The following GRM1 variants were observed in gnomAD, a reference collection of about 807,000 sequenced individuals.
GRM1 encodes glutamate metabotropic receptor 1, also known as metabotropic glutamate receptor 1.
GRM1 carries 33 observed loss-of-function variants against 90.9 expected under a neutral mutation model. The observed-to-expected ratio is 0.36, with a 90% CI of 0.28 to 0.49. The LOEUF (loss-of-function observed/expected upper bound fraction) is 0.49, where lower values mean the gene tolerates loss of function less well. Among genes scored for constraint, GRM1 ranks in the 20% least tolerant of loss-of-function variants. GRM1 has a pLI of 0.99. For synonymous variants in GRM1, 700 were observed against 613.2 expected (o/e 1.14, Z -2.09); for missense variants, 1,190 against 1,534.3 (o/e 0.78, Z 3.75).
chr6:146,104,539 A>G (rs374543668), intron 1 of GRM1, among the ~76,000 whole-genome samples: 3 of 152,178 alleles, frequency 2.0e-5, no homozygotes, highest in Non-Finnish European at 4.4e-5. Context: ...AATGTTTCAT[A>G]TGGGGGGGCA....
intron 1 of GRM1, among the ~76,000 whole-genome samples, chr6:146,086,636 C>T (rs569894438): frequency 1.7e-4 from 26 of 151,956 alleles, no homozygotes; most frequent in African/African-American, 6.0e-4. Flanking sequence ...GTCTCTCTCT[C>T]GGGGGAGAAG....
At chr6:146,174,919 T>G (rs1351047307) in intron 2 of GRM1, among the ~76,000 whole-genome samples, 1 of 152,222 alleles carries the variant, frequency 6.6e-6, no homozygotes, top group Non-Finnish European at 1.5e-5. Context: ...GCTAACAGTT[T>G]CTTGCCATGT....
chr6:146,373,057 C>A (rs1224807171), intron 5 of GRM1, among the ~76,000 whole-genome samples: 1 of 152,070 alleles, frequency 6.6e-6, no homozygotes, highest in Non-Finnish European at 1.5e-5. Flanking sequence ...CTTTAGCTAG[C>A]ATGGGCATTT....
intron 2 of GRM1, among the ~76,000 whole-genome samples, chr6:146,298,885 C>A (rs55861110): frequency 0.02 from 2,991 of 152,248 alleles, 40 homozygotes; most frequent in Admixed American, 0.027. Flanking sequence ...GAAAACACAT[C>A]AAAAATTTAG....
intron 1 of GRM1, among the ~76,000 whole-genome samples, chr6:146,068,109 A>G (rs933565330): frequency 2.0e-4 from 29 of 145,956 alleles, no homozygotes; most frequent in African/African-American, 6.4e-4. Context: ...TTGAACCTTC[A>G]AATAATTTTT....
At chr6:146,054,706 G>A (rs1249651211) in intron 1 of GRM1, among the ~76,000 whole-genome samples, 2 of 152,074 alleles carry the variant, frequency 1.3e-5, no homozygotes, top group East Asian at 3.9e-4. Flanking sequence ...AATGTACACT[G>A]GGTGCAATAT....
intron 2 of GRM1, among the ~76,000 whole-genome samples, chr6:146,248,694 G>A (rs1354730012): frequency 6.6e-6 from 1 of 152,206 alleles, no homozygotes; most frequent in Non-Finnish European, 1.5e-5. Flanking sequence ...GAGGTAAAAT[G>A]TGGAAGCAAC....
chr6:146,358,569 G>T (rs1022781036), intron 5 of GRM1, among the ~76,000 whole-genome samples: 9 of 152,184 alleles, frequency 5.9e-5, no homozygotes, highest in Non-Finnish European at 1.0e-4. Context: ...CAGGCGTGAG[G>T]CTCTGGCTCC....
chr6:146,223,527 C>A (rs148311535), intron 2 of GRM1, among the ~76,000 whole-genome samples: 292 of 152,082 alleles, frequency 1.9e-3, no homozygotes, highest in African/African-American at 6.5e-3. Context: ...TTTGAGAGAC[C>A]ATGAACAAAG....
intron 1 of GRM1, among the ~76,000 whole-genome samples, chr6:146,107,863 T>C (rs773555064): frequency 4.6e-5 from 7 of 152,166 alleles, no homozygotes; most frequent in Non-Finnish European, 8.8e-5. Context: ...TTTTTGATTC[T>C]CTAATTATTG....
At chr6:146,298,536 A>G (rs1366437893) in intron 2 of GRM1, among the ~76,000 whole-genome samples, 1 of 152,236 alleles carries the variant, frequency 6.6e-6, no homozygotes, top group Non-Finnish European at 1.5e-5. Context: ...ATCCTAGTGA[A>G]GTCCTGTAGC....
At chr6:146,366,672 A>G (rs531867992) in intron 5 of GRM1, among the ~76,000 whole-genome samples, 76 of 152,256 alleles carry the variant, frequency 5.0e-4, no homozygotes, top group African/African-American at 1.8e-3. Flanking sequence ...ACAGGATTTC[A>G]TATACCTATT....
At chr6:146,230,179 A>G (rs1277495410) in intron 2 of GRM1, among the ~76,000 whole-genome samples, 1 of 152,228 alleles carries the variant, frequency 6.6e-6, no homozygotes, top group Non-Finnish European at 1.5e-5. Context: ...GCTGCTGAAA[A>G]GCAATACATA....
Position 146,306,971 on chromosome 6 carries a change from C to A in GRM1, c.1186+2125C>A, listed in dbSNP as rs573341407. 1.9e-4 allele frequency among the ~76,000 whole-genome samples: 29 copies of A among 152,248 alleles called. 1 individual carries two copies. In the South Asian group the frequency reaches 5.8e-3, roughly 30 times the overall value. On this transcript the variant is annotated intron_variant, in intron 3 of 7. Coordinates refer to ENST00000282753, the MANE Select transcript of GRM1 (RefSeq NM_001278064.2). ...CTGATGGTGGTCCAACTACAGATGT[C>A]ATTTTGTCATTGTGTTTTATTAGTA...
chr6:146,031,498 AT>A (rs1278893303), intron 1 of GRM1, among the ~76,000 whole-genome samples: 2 of 152,150 alleles, frequency 1.3e-5, no homozygotes, highest in Non-Finnish European at 2.9e-5. Context: ...CATATACTTT[AT>A]AAAGGGAACA....
At chr6:146,040,931 CTTTTCTTTTT>C (rs981791094) in intron 1 of GRM1, among the ~76,000 whole-genome samples, 12 of 151,656 alleles carry the variant, frequency 7.9e-5, no homozygotes, top group Admixed American at 3.3e-4. Flanking sequence ...TTCTTTATTC[CTTTTCTTTTT>C]TTTTCTTTTT....
At chr6:146,035,907 C>T (rs879432877) in intron 1 of GRM1, among the ~76,000 whole-genome samples, 14 of 151,902 alleles carry the variant, frequency 9.2e-5, no homozygotes, top group Non-Finnish European at 1.8e-4. Context: ...ATGACACTTT[C>T]ATTATTTTGA....
At chr6:146,332,708 A>C (rs1229792693) in intron 3 of GRM1, among the ~76,000 whole-genome samples, 2 of 152,218 alleles carry the variant, frequency 1.3e-5, no homozygotes, top group Non-Finnish European at 2.9e-5. Context: ...GGTTTCGGAA[A>C]TTAGGGTGTG....
chr6:146,241,970 T>G lies in GRM1; in HGVS notation c.951-62641T>G, dbSNP rs373643531. Among the ~76,000 whole-genome samples the G allele has an allele frequency of 7.2e-5, 11 of 152,246 alleles. No individual in the cohort carries two copies. The South Asian group carries it at 2.3e-3, about 32-fold the overall frequency. The stretch of plus-strand genomic sequence containing the variant: ...AAGCCTTAGGCTTCTAAAAGTTTAG[T>G]TATGAAGTATCTTACAGCAATATCA... On this transcript the variant is annotated intron_variant, in intron 2 of 7. Transcript: ENST00000282753.
Sources: gnomAD v4.1 joint callset for allele counts (sites outside exome capture counted in the v4.1 genomes callset) on GRCh38, gnomAD v4.1.1 for gene constraint, MANE v1.5 for transcripts, NCBI Gene and HGNC (gene_info 2026-07-23, HGNC 2026-07-21) for gene names.